Variants in MAML2 observed in about 807,000 individuals in gnomAD.
MAML2 encodes mastermind-like protein 2.
Under a neutral mutation model 96.1 loss-of-function variants are expected in MAML2, and 22 were observed. That is an observed-to-expected ratio of 0.23 (90% confidence interval 0.16 to 0.33). The LOEUF (loss-of-function observed/expected upper bound fraction) is 0.33, where lower values mean the gene tolerates loss of function less well. Ranked by LOEUF, MAML2 falls within the 10% of genes least tolerant of loss-of-function variation. The pLI is 1.00. For missense variants in MAML2, 1,367 were observed against 1,392.4 expected, an observed-to-expected ratio of 0.98 and a Z score of 0.29; for synonymous variants, 561 against 521.3, an observed-to-expected ratio of 1.08 and a Z score of -1.04.
intron 1 of MAML2, among the ~76,000 whole-genome samples, chr11:96,105,829 C>T (rs1012579544): frequency 2.0e-5 from 3 of 151,482 alleles, no homozygotes; most frequent in Middle Eastern, 6.8e-3. Flanking sequence ...GCCTAACTAG[C>T]TCTATGAAAT....
chr11:96,165,685 T>C (rs1005665263), intron 1 of MAML2, among the ~76,000 whole-genome samples: 1 of 152,216 alleles, frequency 6.6e-6, no homozygotes, highest in African/African-American at 2.4e-5. Flanking sequence ...TTGATACATA[T>C]CGACAAATTG....
intron 1 of MAML2, among the ~76,000 whole-genome samples, chr11:96,220,776 C>T (rs1379425630): frequency 6.6e-6 from 1 of 151,932 alleles, no homozygotes; most frequent in Non-Finnish European, 1.5e-5. Context: ...CAAATACATC[C>T]TCTGAAACCT....
At chr11:96,087,771 C>A (rs1371641589) in intron 2 of MAML2, among the ~76,000 whole-genome samples, 2 of 152,210 alleles carry the variant, frequency 1.3e-5, no homozygotes, top group African/African-American at 4.8e-5. Context: ...ACTCTGGCAC[C>A]AGCCTAATTG....
chr11:96,329,590 T>C (rs1863828648), intron 1 of MAML2, among the ~76,000 whole-genome samples: 1 of 152,224 alleles, frequency 6.6e-6, no homozygotes, highest in South Asian at 2.1e-4. Context: ...TTACTGTTTT[T>C]CCAAGAAGCA....
intron 1 of MAML2, among the ~76,000 whole-genome samples, chr11:96,324,760 C>T (rs1863751731): frequency 6.6e-6 from 1 of 152,070 alleles, no homozygotes; most frequent in Non-Finnish European, 1.5e-5. Context: ...CCTAAAGTTC[C>T]ATCTAATATA....
chr11:96,307,711 C>G (rs1863484325), intron 1 of MAML2, among the ~76,000 whole-genome samples: 2 of 152,076 alleles, frequency 1.3e-5, no homozygotes, highest in African/African-American at 4.8e-5. Flanking sequence ...ATTAAAGCAG[C>G]ACCACTTCCT....
At chr11:96,173,836 A>G (rs751810686) in intron 1 of MAML2, among the ~76,000 whole-genome samples, 3 of 152,156 alleles carry the variant, frequency 2.0e-5, no homozygotes, top group Non-Finnish European at 4.4e-5. Flanking sequence ...TCTGATTAGA[A>G]CTGCTTCTCC....
At chr11:96,168,219 T>C (rs1220859665) in intron 1 of MAML2, among the ~76,000 whole-genome samples, 1 of 152,218 alleles carries the variant, frequency 6.6e-6, no homozygotes, top group Non-Finnish European at 1.5e-5. Flanking sequence ...GTTGTAAGGA[T>C]CAAAGGAGTT....
intron 1 of MAML2, among the ~76,000 whole-genome samples, chr11:96,191,147 G>A (rs35113651): frequency 0.069 from 10,443 of 152,200 alleles, 458 homozygotes; most frequent in Non-Finnish European, 0.096. Context: ...TTAGGTAGTA[G>A]AGGAGTCATC....
chr11:96,210,518 CATTT>C (rs1337177481), intron 1 of MAML2, among the ~76,000 whole-genome samples: 1 of 152,172 alleles, frequency 6.6e-6, no homozygotes, highest in Non-Finnish European at 1.5e-5. Context: ...GGTATTCATT[CATTT>C]AATATAGAAC....
chr11:96,197,751 C>A (rs1247909164), intron 1 of MAML2, among the ~76,000 whole-genome samples: 1 of 152,108 alleles, frequency 6.6e-6, no homozygotes, highest in Non-Finnish European at 1.5e-5. Context: ...TAAGCAATTG[C>A]AGCAATTATA....
Position 95,979,549 on chromosome 11 carries a change from A to G in MAML2, c.2870T>C (p.Ile957Thr). 6.2e-7 allele frequency: 1 copy of G among 1,613,396 alleles called. No homozygotes were observed. Among genetic ancestry groups the G allele is most frequent in the East Asian group, 2.2e-5 (1 of 44,850 alleles). ...GTTTGGTGCAGTTGTGTTGGATGTG[A>G]TCATTACGTTTGATGTTCTCTGTGG... ...MPPQRTSNVM[I>T]TSNTTAPNWA... Residue 957 changes from isoleucine to threonine, a missense_variant, in exon 5 of 5, where the codon ATC becomes ACC. Physicochemically the swap from Ile to Thr is moderately conservative, Grantham distance 89 (BLOSUM62 -1). Coordinates refer to ENST00000524717, the MANE Select transcript of MAML2 (RefSeq NM_032427.4).
chr11:96,186,355 C>CG (rs1861575184), intron 1 of MAML2, among the ~76,000 whole-genome samples: 1 of 152,136 alleles, frequency 6.6e-6, no homozygotes, highest in Non-Finnish European at 1.5e-5. Context: ...TTTGGGAGGC[C>CG]ACGGTGGGCG....
intron 1 of MAML2, among the ~76,000 whole-genome samples, chr11:96,237,863 C>A (rs1181480641): frequency 6.6e-6 from 1 of 152,182 alleles, no homozygotes; most frequent in Non-Finnish European, 1.5e-5. Flanking sequence ...TTTATTTTAA[C>A]AAACACTTTG....
intron 2 of MAML2, among the ~76,000 whole-genome samples, chr11:96,054,603 T>A (rs574614593): frequency 3.9e-5 from 6 of 152,284 alleles, no homozygotes; most frequent in African/African-American, 1.4e-4. Context: ...AAAAAAAGAA[T>A]TAACTATTTA....
intron 2 of MAML2, among the ~76,000 whole-genome samples, chr11:96,070,650 A>C (rs1859331214): frequency 3.3e-5 from 5 of 152,262 alleles, no homozygotes; most frequent in African/African-American, 1.2e-4. Flanking sequence ...GCTCGTTCAC[A>C]CACCCTTTTC....
intron 1 of MAML2, among the ~76,000 whole-genome samples, chr11:96,151,853 A>C (rs1189223377): frequency 6.6e-6 from 1 of 152,208 alleles, no homozygotes; most frequent in Admixed American, 6.5e-5. Context: ...TATAGCAGTG[A>C]GAGACTAATA....
intron 1 of MAML2, among the ~76,000 whole-genome samples, chr11:96,142,197 G>A (rs948639130): frequency 5.9e-5 from 9 of 152,104 alleles, no homozygotes; most frequent in African/African-American, 1.9e-4. Flanking sequence ...TGGTAGAGTA[G>A]GTTTTCTGAA....
At chr11:95,988,365 T>C (rs1247017612) in intron 3 of MAML2, among the ~76,000 whole-genome samples, 1 of 151,706 alleles carries the variant, frequency 6.6e-6, no homozygotes, top group Non-Finnish European at 1.5e-5. Context: ...TTCAAGCGAT[T>C]CTTCTGCCTC....
Sources: allele counts gnomAD v4.1 joint callset (sites outside exome capture counted in the v4.1 genomes callset), GRCh38; gene constraint gnomAD v4.1.1; transcripts MANE v1.5; gene names NCBI Gene and HGNC (gene_info 2026-07-23, HGNC 2026-07-21).